LRBA: variants seen among roughly 807,000 people sequenced by gnomAD.
The protein encoded by LRBA is LPS responsive beige-like anchor protein, also known as lipopolysaccharide-responsive and beige-like anchor protein.
LRBA carries 176 observed loss-of-function variants against 330.0 expected under a neutral mutation model. The observed-to-expected ratio is 0.53, with a 90% CI of 0.47 to 0.60. The LOEUF (loss-of-function observed/expected upper bound fraction) is 0.60. LRBA is among the 20% of genes least tolerant of loss of function. LRBA has a pLI of 0.00. For synonymous variants in LRBA, 1,230 were observed against 1,193.0 expected, an observed-to-expected ratio of 1.03 and a Z score of -0.64; for missense variants, 3,259 against 3,444.8, an observed-to-expected ratio of 0.95 and a Z score of 1.35.
chr4:150,964,508 A>G (rs1738657453), intron 2 of LRBA, among the ~76,000 whole-genome samples: 1 of 150,308 alleles, frequency 6.7e-6, no homozygotes, highest in African/African-American at 2.5e-5. Flanking sequence ...GGATGCTGTT[A>G]ATCTATAACC....
At chr4:150,664,489 C>G (rs972945169) in intron 37 of LRBA, among the ~76,000 whole-genome samples, 2 of 152,172 alleles carry the variant, frequency 1.3e-5, no homozygotes, top group Non-Finnish European at 2.9e-5. Flanking sequence ...TATATATCCT[C>G]TAATCACATG....
At chr4:150,288,083 C>T (rs1306805943) in intron 53 of LRBA, among the ~76,000 whole-genome samples, 1 of 151,652 alleles carries the variant, frequency 6.6e-6, no homozygotes, top group Non-Finnish European at 1.5e-5. Flanking sequence ...GCTCCGCCTT[C>T]CAGGTTCACA....
chr4:150,436,894 T>A, intron 44 of LRBA, 30 bp from the exon 45 acceptor site: 1 of 1,601,412 alleles, frequency 6.2e-7, no homozygotes, highest in Non-Finnish European at 8.6e-7. Context: ...AAACAAAGAA[T>A]ACATCAATGT....
chr4:150,321,155 A>T lies in LRBA; in HGVS notation c.7630+36T>A, dbSNP rs760236356. Reference sequence around the variant, plus strand: ...AAGTGGGTATTACACAGTGTTCAGCAGTTACCATGCCTTATAATGGTATTT... The same window carrying T: ...AAGTGGGTATTACACAGTGTTCAGCTGTTACCATGCCTTATAATGGTATTT... On this transcript the variant is annotated intron_variant, in intron 50 of 56. Coordinates refer to ENST00000651943, the MANE Select transcript of LRBA (RefSeq NM_001364905.1). This position sits in a 1 kb window ranked among gnomAD's most constrained non-coding sequence, Gnocchi z 4.5. The T allele has an allele frequency of 4.5e-6, 7 of 1,562,044 alleles. No homozygotes were observed. The highest frequency in any genetic ancestry group is 6.1e-6 in the Non-Finnish European group (7 of 1,142,198).
chr4:150,982,338 T>A (rs1365582905), intron 2 of LRBA, among the ~76,000 whole-genome samples: 1 of 152,210 alleles, frequency 6.6e-6, no homozygotes, highest in African/African-American at 2.4e-5. Context: ...AAATATGTAA[T>A]GTTTTAAATG....
At chr4:150,750,860 CT>C (rs1408318410) in intron 35 of LRBA, among the ~76,000 whole-genome samples, 2 of 150,522 alleles carry the variant, frequency 1.3e-5, no homozygotes, top group East Asian at 3.9e-4. Context: ...AGAAGATGTG[CT>C]TCCTTAACCA....
intron 37 of LRBA, among the ~76,000 whole-genome samples, chr4:150,667,959 C>A (rs1434790065): frequency 3.9e-5 from 6 of 152,332 alleles, no homozygotes; most frequent in Middle Eastern, 6.8e-3. Context: ...TCCAGAACAA[C>A]TGTGTTATTC....
At chr4:150,349,940 CT>C in intron 48 of LRBA, 51 bp downstream of exon 48, 1 of 1,525,880 alleles carries the variant, frequency 6.6e-7, no homozygotes, top group Non-Finnish European at 9.0e-7. Context: ...CTAGCTCCTT[CT>C]AGTTTAAATA....
intron 2 of LRBA, among the ~76,000 whole-genome samples, chr4:150,968,928 C>G (rs779719307): frequency 1.3e-5 from 2 of 152,186 alleles, no homozygotes; most frequent in Non-Finnish European, 2.9e-5. Context: ...ACAAACCATT[C>G]TGAAAATCGT....
chr4:151,004,419 C>T (rs990971234), intron 2 of LRBA, among the ~76,000 whole-genome samples: 8 of 152,204 alleles, frequency 5.3e-5, no homozygotes, highest in African/African-American at 1.9e-4. Flanking sequence ...CATATACATA[C>T]AGCATGATGC....
intron 4 of LRBA, among the ~76,000 whole-genome samples, chr4:150,926,389 A>C (rs879601503): frequency 1.3e-5 from 2 of 152,198 alleles, no homozygotes; most frequent in Admixed American, 1.3e-4. Flanking sequence ...TAGTAAAACT[A>C]AACTAGCCGT....
intron 4 of LRBA, among the ~76,000 whole-genome samples, chr4:150,923,197 A>AC (rs1167308992): frequency 4.6e-5 from 7 of 151,600 alleles, no homozygotes; most frequent in South Asian, 4.2e-4. Flanking sequence ...AAAAAAAAAA[A>AC]AACAACTATA....
At chr4:150,364,896 T>C (rs2151850804) in intron 47 of LRBA, among the ~76,000 whole-genome samples, 1 of 152,078 alleles carries the variant, frequency 6.6e-6, no homozygotes, top group Admixed American at 6.5e-5. Context: ...TTCATTAATG[T>C]AACCATATAT....
In LRBA at chr4:150,804,218, C is replaced by T. The variant is rs184339288; in HGVS notation, c.5518+2053G>A. Among the ~76,000 whole-genome samples the T allele has an allele frequency of 2.0e-5, 3 of 152,184 alleles. No homozygotes were observed. The East Asian group carries it at 5.8e-4, about 29-fold the overall frequency. Reference sequence around the variant, plus strand: ...TAGTTCATAGCTAAATAAATTATATCCTTCAATAGATCTAAGGAAATTGCT... The same window carrying T: ...TAGTTCATAGCTAAATAAATTATATTCTTCAATAGATCTAAGGAAATTGCT... On this transcript the variant is annotated intron_variant, in intron 33 of 56. Coordinates refer to ENST00000651943, the MANE Select transcript of LRBA (RefSeq NM_001364905.1).
At chr4:150,308,569 A>T (rs1320120758) in intron 52 of LRBA, among the ~76,000 whole-genome samples, 2 of 152,170 alleles carry the variant, frequency 1.3e-5, no homozygotes, top group African/African-American at 4.8e-5. Context: ...ACCCTTCAGG[A>T]GGTATTCCAA....
intron 35 of LRBA, among the ~76,000 whole-genome samples, chr4:150,758,093 A>C (rs1023609865): frequency 6.6e-6 from 1 of 152,244 alleles, no homozygotes; most frequent in Non-Finnish European, 1.5e-5. Flanking sequence ...AGTACCTCCA[A>C]GTCTCAGTTC....
intron 37 of LRBA, among the ~76,000 whole-genome samples, chr4:150,643,938 T>C (rs1039705060): frequency 6.6e-6 from 1 of 151,954 alleles, no homozygotes; most frequent in African/African-American, 2.4e-5. Flanking sequence ...GAGTACGTGG[T>C]GCTCTCATCA....
chr4:150,718,589 C>G (rs751984102), intron 36 of LRBA, among the ~76,000 whole-genome samples: 2 of 152,042 alleles, frequency 1.3e-5, no homozygotes, highest in Non-Finnish European at 2.9e-5. Flanking sequence ...AAAAAATATA[C>G]GTTTGCTCTC....
intron 35 of LRBA, among the ~76,000 whole-genome samples, chr4:150,746,027 T>C (rs1186922893): frequency 6.6e-6 from 1 of 152,218 alleles, no homozygotes; most frequent in African/African-American, 2.4e-5. Flanking sequence ...CCCCCTTCCC[T>C]GTTCACTTTT....
Sources: allele counts gnomAD v4.1 joint callset (sites outside exome capture counted in the v4.1 genomes callset), GRCh38; gene constraint gnomAD v4.1.1; non-coding constraint Gnocchi (gnomAD v3.1); transcripts MANE v1.5; gene names NCBI Gene and HGNC (gene_info 2026-07-23, HGNC 2026-07-21).